SFMBT2: variants seen among roughly 807,000 people sequenced by gnomAD.
SFMBT2 encodes the protein Scm like with four mbt domains 2, also known as scm-like with four MBT domains protein 2.
In SFMBT2, 38 loss-of-function variants were observed where a neutral mutation model predicts 110.1. The observed-to-expected ratio is 0.35, with a 90% CI of 0.27 to 0.45. The LOEUF is 0.45. Ranked by LOEUF, SFMBT2 falls within the 20% of genes least tolerant of loss-of-function variation. The probability of loss-of-function intolerance (pLI) is 1.00; values close to 1 mark genes in which losing one functional copy is unlikely to be tolerated. For missense variants in SFMBT2, 1,011 were observed against 1,094.9 expected, an observed-to-expected ratio of 0.92 and a Z score of 1.08; for synonymous variants, 425 against 425.4, an observed-to-expected ratio of 1.00 and a Z score of 0.01.
At chr10:7,278,787 C>T (rs1008252372) in intron 6 of SFMBT2, among the ~76,000 whole-genome samples, 1 of 151,958 alleles carries the variant, frequency 6.6e-6, no homozygotes, top group African/African-American at 2.4e-5. Flanking sequence ...GGGAGGGATG[C>T]CCTGAGACAG....
rs145982416 is a variant in SFMBT2, at chr10:7,393,757, C to T, written c.-51-11808G>A. Reference sequence around the variant, plus strand: ...TACGGGATTCACGTGTCCAACTACACGGTGGAAGGGGCATGCCTTTGCCCT... The same window carrying T: ...TACGGGATTCACGTGTCCAACTACATGGTGGAAGGGGCATGCCTTTGCCCT... On this transcript the variant is annotated intron_variant, in intron 1 of 20. Transcript: ENST00000397167. Among the ~76,000 whole-genome samples, 12 of 152,270 alleles carry T rather than the reference C, an allele frequency of 7.9e-5. No individual in the cohort carries two copies. The East Asian group carries it at 1.3e-3, about 17-fold the overall frequency.
At chr10:7,410,815 C>T (rs1010858980) in intron 1 of SFMBT2, among the ~76,000 whole-genome samples, 46 bp downstream of exon 1, 1 of 151,522 alleles carries the variant, frequency 6.6e-6, no homozygotes, top group Admixed American at 6.6e-5. Flanking sequence ...GGGCTGCTCT[C>T]CGGCCAGCCT....
chr10:7,181,981 G>A (rs1030001486), intron 16 of SFMBT2, among the ~76,000 whole-genome samples: 2 of 152,208 alleles, frequency 1.3e-5, no homozygotes, highest in African/African-American at 4.8e-5. Context: ...CCCAGGCACA[G>A]TGGACAGGGG....
rs147144170 is a variant in SFMBT2, at chr10:7,316,026, T to C, written c.437-30072A>G. 8.2e-3 allele frequency among the ~76,000 whole-genome samples: 1,254 copies of C among 152,266 alleles called. 13 individuals are homozygous for C. Among genetic ancestry groups the C allele is most frequent in the African/African-American group, 0.027 (1,125 of 41,556 alleles). On this transcript the variant is annotated intron_variant, in intron 4 of 20. Coordinates refer to ENST00000397167, the MANE Select transcript of SFMBT2 (RefSeq NM_001387889.1). Reference sequence around the variant, plus strand: ...TAGAATTTCTGAGTTCCTGGAACAATTGGAAGCTGAACTTGGTCTACTTCA... The same window carrying C: ...TAGAATTTCTGAGTTCCTGGAACAACTGGAAGCTGAACTTGGTCTACTTCA...
At chr10:7,269,049 G>GA (rs5782960) in intron 7 of SFMBT2, among the ~76,000 whole-genome samples, 12 of 151,844 alleles carry the variant, frequency 7.9e-5, no homozygotes, top group Admixed American at 5.9e-4. Context: ...TCGTCTTCAA[G>GA]AAAAAAAAAG....
chr10:7,402,432 A>G (rs1378550391), intron 1 of SFMBT2, among the ~76,000 whole-genome samples: 1 of 152,196 alleles, frequency 6.6e-6, no homozygotes, highest in Non-Finnish European at 1.5e-5. Context: ...CCGGGGTCAC[A>G]CCAAAAGCCC....
chr10:7,381,312 G>GTC (rs1052519139), intron 2 of SFMBT2, among the ~76,000 whole-genome samples: 4 of 152,018 alleles, frequency 2.6e-5, no homozygotes, highest in Non-Finnish European at 4.4e-5. Context: ...TGGATGTCCT[G>GTC]TCTCTCTCTC....
rs147133650 is a variant in SFMBT2, at chr10:7,343,547, A to T, written c.436+24102T>A. ...CTCTTTTCTCCACAACCTCGCCAGC[A>T]TCTGTTATTTTGTGAATTTCTTAGA... On this transcript the variant is annotated intron_variant, in intron 4 of 20. Coordinates refer to ENST00000397167, the MANE Select transcript of SFMBT2 (RefSeq NM_001387889.1). 2.8e-3 allele frequency among the ~76,000 whole-genome samples: 419 copies of T among 152,250 alleles called. 3 individuals carry two copies. Among genetic ancestry groups the T allele is most frequent in the African/African-American group, 9.7e-3 (402 of 41,548 alleles).
chr10:7,272,354 A>G (rs1378277090), intron 7 of SFMBT2, among the ~76,000 whole-genome samples: 1 of 152,238 alleles, frequency 6.6e-6, no homozygotes, highest in African/African-American at 2.4e-5. Flanking sequence ...AATTTCACAC[A>G]TTCAGCAAAG....
intron 16 of SFMBT2, among the ~76,000 whole-genome samples, chr10:7,181,833 A>G (rs1838253638): frequency 1.3e-5 from 2 of 152,234 alleles, no homozygotes; most frequent in Admixed American, 1.3e-4. Context: ...TATTAAAAAA[A>G]AAGGAGAGGC....
intron 4 of SFMBT2, among the ~76,000 whole-genome samples, chr10:7,354,627 T>C (rs933671868): frequency 2.0e-5 from 3 of 152,194 alleles, no homozygotes; most frequent in African/African-American, 7.2e-5. Context: ...GAAAGACTTC[T>C]AGTTCACAGG....
intron 1 of SFMBT2, among the ~76,000 whole-genome samples, chr10:7,406,664 T>A (rs1271596883): frequency 6.6e-6 from 1 of 152,144 alleles, no homozygotes; most frequent in Admixed American, 6.5e-5. Flanking sequence ...TTAAAAAAAA[T>A]AGTCTATAAT....
chr10:7,310,390 C>A (rs973054254), intron 4 of SFMBT2, among the ~76,000 whole-genome samples: 1 of 152,220 alleles, frequency 6.6e-6, no homozygotes, highest in African/African-American at 2.4e-5. Context: ...TAGTGCACCC[C>A]GTGCCCAAGG....
intron 9 of SFMBT2, among the ~76,000 whole-genome samples, chr10:7,238,693 A>C (rs1410263175): frequency 6.6e-6 from 1 of 152,240 alleles, no homozygotes; most frequent in Non-Finnish European, 1.5e-5. Context: ...CAATTACTTC[A>C]GCCTTTGCTC....
At chr10:7,174,961 T>G (rs571209584) in intron 17 of SFMBT2, among the ~76,000 whole-genome samples, 84 of 152,010 alleles carry the variant, frequency 5.5e-4, no homozygotes, top group African/African-American at 1.8e-3. Context: ...GTGTGTGTGT[T>G]GTGTGTGTGT....
intron 4 of SFMBT2, among the ~76,000 whole-genome samples, chr10:7,350,113 G>A (rs1160158785): frequency 2.0e-5 from 3 of 152,150 alleles, no homozygotes; most frequent in Non-Finnish European, 2.9e-5. Context: ...TTCGTGGCTA[G>A]GTCATGGTGG....
At chr10:7,264,806 G>C (rs567445811) in intron 7 of SFMBT2, among the ~76,000 whole-genome samples, 1 of 152,224 alleles carries the variant, frequency 6.6e-6, no homozygotes, top group African/African-American at 2.4e-5. Context: ...CCAGACCACA[G>C]TGCTCTCTTG....
intron 20 of SFMBT2, among the ~76,000 whole-genome samples, chr10:7,167,413 G>A (rs776754478): frequency 3.3e-5 from 5 of 152,126 alleles, no homozygotes; most frequent in African/African-American, 1.2e-4. Flanking sequence ...AGGCACAGAC[G>A]CTGGTCATGG....
intron 15 of SFMBT2, among the ~76,000 whole-genome samples, chr10:7,193,926 G>C (rs1838688112): frequency 6.6e-6 from 1 of 152,192 alleles, no homozygotes; most frequent in African/African-American, 2.4e-5. Context: ...GGTACTCCGG[G>C]AGAGGTTGGG....
Sources: gnomAD v4.1 joint callset for allele counts (sites outside exome capture counted in the v4.1 genomes callset) on GRCh38, gnomAD v4.1.1 for gene constraint, MANE v1.5 for transcripts, NCBI Gene and HGNC (gene_info 2026-07-23, HGNC 2026-07-21) for gene names.